Variants in NRXN1 observed in about 807,000 individuals in gnomAD.
NRXN1 encodes neurexin 1, also known as neurexin-1.
Under a neutral mutation model 150.9 loss-of-function variants are expected in NRXN1, and 39 were observed. The observed-to-expected ratio is 0.26, with a 90% CI of 0.20 to 0.34. NRXN1 has a LOEUF of 0.34. Among genes scored for constraint, NRXN1 ranks in the 10% least tolerant of loss-of-function variants. The pLI is 1.00. For missense variants in NRXN1, 1,815 were observed against 1,949.9 expected, an observed-to-expected ratio of 0.93 and a Z score of 1.30; for synonymous variants, 924 against 757.0, an observed-to-expected ratio of 1.22 and a Z score of -3.62.
At chr2:50,110,597 A>C (rs952774356) in intron 18 of NRXN1, among the ~76,000 whole-genome samples, 1 of 152,004 alleles carries the variant, frequency 6.6e-6, no homozygotes, top group African/African-American at 2.4e-5. Flanking sequence ...TCTTTTTCCA[A>C]CTTTATATGT....
At chr2:50,635,813 G>A (rs1418145476) in intron 5 of NRXN1, among the ~76,000 whole-genome samples, 2 of 152,082 alleles carry the variant, frequency 1.3e-5, no homozygotes, top group Non-Finnish European at 2.9e-5. Context: ...TCAGTCTTTC[G>A]GTCCTGTAGT....
chr2:50,150,146 G>T (rs374056401), intron 18 of NRXN1, among the ~76,000 whole-genome samples: 2 of 151,814 alleles, frequency 1.3e-5, no homozygotes, highest in Admixed American at 1.3e-4. Flanking sequence ...ATCACTTTGA[G>T]GAGATCTAAG....
At chr2:49,998,603 C>G (rs1683385519) in intron 21 of NRXN1, among the ~76,000 whole-genome samples, 1 of 151,846 alleles carries the variant, frequency 6.6e-6, no homozygotes, top group Admixed American at 6.6e-5. Context: ...TGCTGAAAAA[C>G]CAATCTGAAA....
At chr2:50,273,197 T>G (rs1033263678) in intron 17 of NRXN1, among the ~76,000 whole-genome samples, 1 of 152,162 alleles carries the variant, frequency 6.6e-6, no homozygotes, top group South Asian at 2.1e-4. Flanking sequence ...TGGATTCAAA[T>G]ACATTGGAGG....
chr2:50,525,111 A>T (rs545885454), intron 12 of NRXN1, among the ~76,000 whole-genome samples: 83 of 152,334 alleles, frequency 5.4e-4, no homozygotes, highest in Non-Finnish European at 1.0e-3. Flanking sequence ...ATCATTTTTA[A>T]ATGACTTACT....
chr2:50,920,033 CCTTTCTCATTTCT>C (rs1453257488), intron 5 of NRXN1: 4 of 380,940 alleles, frequency 1.1e-5, no homozygotes, highest in African/African-American at 4.2e-5. Context: ...CTTACAATCA[CCTTTCTCATTTCT>C]CTACATCTAA....
intron 2 of NRXN1, among the ~76,000 whole-genome samples, chr2:50,994,144 C>A (rs1396521608): frequency 1.3e-5 from 2 of 151,908 alleles, no homozygotes; most frequent in Non-Finnish European, 2.9e-5. Flanking sequence ...GAATACTGAG[C>A]CTTAGAGAAG....
intron 17 of NRXN1, among the ~76,000 whole-genome samples, chr2:50,380,894 A>C (rs2080909697): frequency 6.6e-6 from 1 of 152,162 alleles, no homozygotes; most frequent in Admixed American, 6.6e-5. Flanking sequence ...AATAAGCATA[A>C]GGTATTACAT....
chr2:49,953,130 T>C (rs1455076178), intron 21 of NRXN1, among the ~76,000 whole-genome samples: 1 of 152,146 alleles, frequency 6.6e-6, no homozygotes, highest in East Asian at 1.9e-4. Flanking sequence ...TGGGGATAGA[T>C]GAGAACTTCC....
chr2:50,355,628 C>G (rs946839165), intron 17 of NRXN1, among the ~76,000 whole-genome samples: 4 of 152,068 alleles, frequency 2.6e-5, no homozygotes, highest in African/African-American at 9.7e-5. Flanking sequence ...CTACTTCCTT[C>G]GTCTCTTAGT....
At chr2:50,299,264 T>C (rs757811024) in intron 17 of NRXN1, among the ~76,000 whole-genome samples, 5 of 152,188 alleles carry the variant, frequency 3.3e-5, no homozygotes, top group Non-Finnish European at 5.9e-5. Flanking sequence ...AAATCTGTCA[T>C]CTGCTATATA....
At chr2:50,200,535 GAC>G (rs1399946772) in intron 18 of NRXN1, among the ~76,000 whole-genome samples, 3 of 152,092 alleles carry the variant, frequency 2.0e-5, no homozygotes, top group African/African-American at 7.2e-5. Context: ...TGCAGATAGC[GAC>G]ACACAGCTCA....
intron 8 of NRXN1, among the ~76,000 whole-genome samples, chr2:50,608,276 G>A (rs1266003987): frequency 6.6e-6 from 1 of 152,284 alleles, no homozygotes; most frequent in Admixed American, 6.5e-5. Context: ...ATAATATGGT[G>A]GTTGACGTAC....
intron 21 of NRXN1, among the ~76,000 whole-genome samples, chr2:49,988,301 G>A: frequency 6.6e-6 from 1 of 150,504 alleles, no homozygotes. Flanking sequence ...TAATTATTCT[G>A]ACTATTCTAT....
intron 17 of NRXN1, among the ~76,000 whole-genome samples, chr2:50,272,439 T>C (rs1404120247): frequency 2.6e-5 from 4 of 152,100 alleles, no homozygotes; most frequent in South Asian, 2.1e-4. Flanking sequence ...ACAGCTCCCA[T>C]TGAACAACTG....
chr2:50,923,063 A>T (rs2104296525), intron 3 of NRXN1, among the ~76,000 whole-genome samples: 1 of 151,968 alleles, frequency 6.6e-6, no homozygotes, highest in Non-Finnish European at 1.5e-5. Flanking sequence ...TCAGTGATGA[A>T]ATTACATTTT....
intron 19 of NRXN1, among the ~76,000 whole-genome samples, chr2:50,070,765 G>A (rs1365466526): frequency 1.4e-4 from 11 of 78,804 alleles, no homozygotes; most frequent in East Asian, 1.0e-3. Context: ...GCGAGACTCC[G>A]TCTCAAAAAA....
Position 50,221,791 on chromosome 2 carries a change from G to C in NRXN1, c.3546+14998C>G, listed in dbSNP as rs150743117. 8.3e-3 allele frequency among the ~76,000 whole-genome samples: 1,266 copies of C among 152,004 alleles called. 21 individuals are homozygous for C. Among genetic ancestry groups the C allele is most frequent in the African/African-American group, 0.029 (1,222 of 41,486 alleles). Reference sequence around the variant, plus strand: ...TTAGCAAATGCCACAGAACATATGAGTTACTCCCTTGATATAATCCACCCT... The same window carrying C: ...TTAGCAAATGCCACAGAACATATGACTTACTCCCTTGATATAATCCACCCT... On this transcript the variant is annotated intron_variant, in intron 18 of 22. Coordinates refer to ENST00000401669, the MANE Select transcript of NRXN1 (RefSeq NM_001330078.2).
intron 5 of NRXN1, among the ~76,000 whole-genome samples, chr2:50,652,705 T>A (rs750422925): frequency 2.6e-5 from 4 of 152,066 alleles, no homozygotes; most frequent in Non-Finnish European, 4.4e-5. Flanking sequence ...TTCTCTTAGG[T>A]AGGTACCTAT....
Sources: allele counts gnomAD v4.1 joint callset (sites outside exome capture counted in the v4.1 genomes callset), GRCh38; gene constraint gnomAD v4.1.1; transcripts MANE v1.5; gene names NCBI Gene and HGNC (gene_info 2026-07-23, HGNC 2026-07-21).